SRGAP3: variants seen among roughly 807,000 people sequenced by gnomAD.
The protein encoded by SRGAP3 is SLIT-ROBO Rho GTPase-activating protein 3.
SRGAP3 carries 39 observed loss-of-function variants against 121.1 expected under a neutral mutation model. The observed-to-expected ratio is 0.32, with a 90% CI of 0.25 to 0.42. The LOEUF is 0.42. Among genes scored for constraint, SRGAP3 ranks in the 10% least tolerant of loss-of-function variants. The pLI, the probability that SRGAP3 is intolerant of heterozygous loss-of-function variation, is 1.00. For missense variants in SRGAP3, 1,213 were observed against 1,470.6 expected (o/e 0.82, Z 2.86); for synonymous variants, 601 against 570.0 (o/e 1.05, Z -0.77).
At chr3:9,266,342 G>A (rs1270992916) in intron 3 of SRGAP3, among the ~76,000 whole-genome samples, 9 of 151,742 alleles carry the variant, frequency 5.9e-5, no homozygotes, top group Admixed American at 1.3e-4. Flanking sequence ...TGCATGTTCT[G>A]CACATGTATC....
intron 1 of SRGAP3, among the ~76,000 whole-genome samples, chr3:9,234,964 A>G (rs1953354572): frequency 6.6e-6 from 1 of 152,168 alleles, no homozygotes. Flanking sequence ...AGGGATGGGA[A>G]GGGGGAAATT....
intron 2 of SRGAP3, among the ~76,000 whole-genome samples, chr3:9,112,634 G>A (rs1055905018): frequency 2.6e-5 from 4 of 152,186 alleles, no homozygotes; most frequent in South Asian, 4.1e-4. Context: ...TGGGGAAGGC[G>A]GAGGGGAGGG....
chr3:9,229,703 T>C (rs1176024053), intron 1 of SRGAP3, among the ~76,000 whole-genome samples: 1 of 152,206 alleles, frequency 6.6e-6, no homozygotes, highest in African/African-American at 2.4e-5. Flanking sequence ...CCCATTCATA[T>C]TTCTATCTAT....
intron 3 of SRGAP3, among the ~76,000 whole-genome samples, chr3:9,314,956 G>C (rs1955319202): frequency 6.6e-6 from 1 of 152,152 alleles, no homozygotes; most frequent in Non-Finnish European, 1.5e-5. Flanking sequence ...ACCAGCCTTG[G>C]CATGACCAGT....
At chr3:9,138,555 T>C (rs79264468) in intron 1 of SRGAP3, among the ~76,000 whole-genome samples, 363 of 152,300 alleles carry the variant, frequency 2.4e-3, no homozygotes, top group African/African-American at 8.3e-3. Flanking sequence ...TCATGAGTTA[T>C]GTTACTTAGT....
intron 3 of SRGAP3, among the ~76,000 whole-genome samples, chr3:9,286,594 T>TTTG (rs1158304203): frequency 2.6e-5 from 4 of 152,178 alleles, no homozygotes; most frequent in Admixed American, 6.5e-5. Context: ...TTATTTTGTT[T>TTTG]TTGTCGTTGT....
rs1943494285 is a variant in SRGAP3 at position 9,013,856 on chromosome 3, G to C, written c.1814-14C>G. The C allele has an allele frequency of 1.2e-6, 2 of 1,612,990 alleles. No individual in the cohort carries two copies. The highest frequency in any genetic ancestry group is 1.3e-5 in the African/African-American group (1 of 74,882). The stretch of plus-strand genomic sequence containing the variant: ...GGTTCTCCAGTTCTGTAACATAAAG[G>C]GGCCTTTCAGCGTGCCTTTCATCCT... On this transcript the variant is annotated splice_polypyrimidine_tract_variant and intron_variant, in intron 15 of 21. Transcript: ENST00000383836.
At chr3:9,122,312 T>C (rs371018119) in intron 2 of SRGAP3, among the ~76,000 whole-genome samples, 2 of 152,222 alleles carry the variant, frequency 1.3e-5, no homozygotes. Flanking sequence ...AAAAACACAA[T>C]TTTTCTCCAA....
At chr3:9,327,298 C>A (rs1449354242) in intron 2 of SRGAP3, among the ~76,000 whole-genome samples, 2 of 151,788 alleles carry the variant, frequency 1.3e-5, no homozygotes, top group Non-Finnish European at 1.5e-5. Flanking sequence ...ACCATTTTAA[C>A]TTTAGCCAAC....
At chr3:9,313,942 G>A (rs962118450) in intron 3 of SRGAP3, among the ~76,000 whole-genome samples, 3 of 151,908 alleles carry the variant, frequency 2.0e-5, no homozygotes, top group Admixed American at 6.6e-5. Flanking sequence ...GCAGTGAGCC[G>A]AGATCGTGCC....
chr3:9,066,727 G>C (rs1001326050), intron 4 of SRGAP3, among the ~76,000 whole-genome samples: 3 of 152,212 alleles, frequency 2.0e-5, no homozygotes, highest in African/African-American at 7.2e-5. Context: ...TTGATCTCCT[G>C]ACCTCAGGTG....
chr3:9,101,426 A>G (rs992661964), intron 3 of SRGAP3, among the ~76,000 whole-genome samples: 2 of 152,206 alleles, frequency 1.3e-5, no homozygotes, highest in African/African-American at 4.8e-5. Flanking sequence ...CCAGCCACAG[A>G]CGCAGCACCC....
chr3:9,318,109 G>A (rs965197400), intron 3 of SRGAP3, among the ~76,000 whole-genome samples: 2 of 152,028 alleles, frequency 1.3e-5, no homozygotes, highest in Non-Finnish European at 2.9e-5. Context: ...CCAGGTTCTC[G>A]GTGTTTATGG....
At chr3:9,026,809 T>C in intron 13 of SRGAP3, 126 bp downstream of exon 13, 1 of 1,048,394 alleles carries the variant, frequency 9.5e-7, no homozygotes, top group South Asian at 1.3e-5. Flanking sequence ...GTGCAGTACT[T>C]TCCCCCTCCA....
rs764045097 is a variant in SRGAP3 at position 8,985,961 on chromosome 3, C to G, written c.2887-29G>C. 4.4e-6 allele frequency: 7 copies of G among 1,599,576 alleles called. No individual in the cohort carries two copies. The highest frequency in any genetic ancestry group is 5.9e-6 in the Non-Finnish European group (7 of 1,179,904). The stretch of plus-strand genomic sequence containing the variant: ...GGGACAGAGGGAGCTGGGGTCAGCA[C>G]AGTCTGGAGACCTGGAGTCAGGTCC... On this transcript the variant is annotated intron_variant, in intron 21 of 21. Transcript: ENST00000383836. The surrounding 1 kb of genome is among the most constrained non-coding windows in gnomAD (Gnocchi z 5.1).
chr3:9,190,093 G>A (rs1278656987), intron 1 of SRGAP3, among the ~76,000 whole-genome samples: 1 of 152,208 alleles, frequency 6.6e-6, no homozygotes, highest in Admixed American at 6.5e-5. Flanking sequence ...CCCAGGACCA[G>A]TAAGTGACAA....
In SRGAP3 at chr3:8,999,896, T is replaced by C. The variant is rs1489596552; in HGVS notation, c.2228-5373A>G. Among the ~76,000 whole-genome samples the C allele has an allele frequency of 4.6e-5, 7 of 152,174 alleles. No individual in the cohort carries two copies. In the South Asian group the frequency reaches 1.2e-3, roughly 27 times the overall value. On this transcript the variant is annotated intron_variant, in intron 18 of 21. Coordinates refer to ENST00000383836, the MANE Select transcript of SRGAP3 (RefSeq NM_014850.4). ...ATATAAAAAGAAAAAGAAAAAGAAATATTTCAAGCCCCTGGAAATGGTCCT... is the reference window on the plus strand; with the variant it reads ...ATATAAAAAGAAAAAGAAAAAGAAACATTTCAAGCCCCTGGAAATGGTCCT...
chr3:9,089,451 T>C (rs1224556842), intron 3 of SRGAP3, among the ~76,000 whole-genome samples: 2 of 151,842 alleles, frequency 1.3e-5, no homozygotes, highest in African/African-American at 4.9e-5. Flanking sequence ...TAGGACCTAG[T>C]TCAAGATGCA....
intron 5 of SRGAP3, among the ~76,000 whole-genome samples, chr3:9,062,649 T>C (rs1560045997): frequency 6.6e-6 from 1 of 152,228 alleles, no homozygotes; most frequent in Non-Finnish European, 1.5e-5. Context: ...GACTGACTTC[T>C]TTCATTTAGC....
Sources: allele counts gnomAD v4.1 joint callset (sites outside exome capture counted in the v4.1 genomes callset), GRCh38; gene constraint gnomAD v4.1.1; non-coding constraint Gnocchi (gnomAD v3.1); transcripts MANE v1.5; gene names NCBI Gene and HGNC (gene_info 2026-07-23, HGNC 2026-07-21).